RANBP9: variants seen among roughly 807,000 people sequenced by gnomAD.
RANBP9 encodes ran-binding protein 9.
A neutral mutation model predicts 84.3 loss-of-function variants in RANBP9; 15 were observed. The observed-to-expected ratio is 0.18, with a 90% confidence interval of 0.12 to 0.27. The LOEUF is 0.27. Ranked by LOEUF, RANBP9 falls within the 10% of genes least tolerant of loss-of-function variation. RANBP9 has a pLI of 1.00. For synonymous variants in RANBP9, 392 were observed against 349.6 expected (o/e 1.12, Z -1.35); for missense variants, 809 against 912.8 (o/e 0.89, Z 1.46).
chr6:13,689,520 C>T (rs1008737815), intron 2 of RANBP9, among the ~76,000 whole-genome samples: 10 of 152,040 alleles, frequency 6.6e-5, no homozygotes, highest in Non-Finnish European at 1.0e-4. Context: ...GTGATCCACC[C>T]GCTTCGGGCT....
chr6:13,677,107 A>T (rs572946863), intron 2 of RANBP9, among the ~76,000 whole-genome samples: 69 of 152,312 alleles, frequency 4.5e-4, no homozygotes, highest in African/African-American at 1.6e-3. Context: ...TATGCAGACA[A>T]CATCAAAGAA....
In RANBP9 at chr6:13,622,239, A is replaced by T; in HGVS notation, c.*123T>A. The T allele has an allele frequency of 9.7e-7, 1 of 1,029,944 alleles. No homozygotes were observed. The highest frequency in any genetic ancestry group is 1.3e-6 in the Non-Finnish European group (1 of 776,972). 63.8% of individuals were successfully genotyped at this position (1,029,944 alleles called of 1,614,324 possible). ...CATGCTGTAAACTAGGAAGCAATGT[A>T]AAGCGACAAAAACCTGTCCCCAGTA... On this transcript the variant is annotated 3_prime_UTR_variant, in exon 14 of 14. Coordinates refer to ENST00000011619, the MANE Select transcript of RANBP9 (RefSeq NM_005493.3).
Position 13,657,103 on chromosome 6 carries a change from C to G in RANBP9, c.904+6G>C. The G allele has an allele frequency of 6.3e-7, 1 of 1,598,426 alleles. No homozygotes were observed. The highest frequency in any genetic ancestry group is 8.5e-7 in the Non-Finnish European group (1 of 1,170,876). Reference sequence around the variant, plus strand: ...TTATTTTGCATGCAATATATTATCTCAGTACCTAAACTATGTCCATTCTTG... The same window carrying G: ...TTATTTTGCATGCAATATATTATCTGAGTACCTAAACTATGTCCATTCTTG... On this transcript the variant is annotated splice_donor_region_variant and intron_variant, in intron 4 of 13. Transcript: ENST00000011619.
rs1049642520 is a variant in RANBP9, at chr6:13,634,490, C to G, written c.1736G>C (p.Gly579Ala). 1.9e-6 allele frequency: 3 copies of G among 1,613,444 alleles called. No individual in the cohort carries two copies. The highest frequency in any genetic ancestry group is 1.7e-6 in the Non-Finnish European group (2 of 1,179,628). ...SNGVGETSSN[G>A]FLNGSSKHDH... ...ATGTTTAGAGCTACCATTTAGGAAA[C>G]CATTGGATGAAGTTTCTCCAACTCC... Residue 579 changes from glycine (G) to alanine (A), a missense_variant, in exon 11 of 14, where the codon GGT (glycine) becomes GCT (alanine). Coordinates refer to ENST00000011619, the MANE Select transcript of RANBP9 (RefSeq NM_005493.3).
chr6:13,657,105 G>C lies in RANBP9; in HGVS notation c.904+4C>G. On this transcript the variant is annotated splice_donor_region_variant and intron_variant, in intron 4 of 13. Coordinates refer to ENST00000011619, the MANE Select transcript of RANBP9 (RefSeq NM_005493.3). ...ATTTTGCATGCAATATATTATCTCA[G>C]TACCTAAACTATGTCCATTCTTGGT... The C allele has an allele frequency of 6.2e-7, 1 of 1,602,088 alleles. No homozygotes were observed. Among genetic ancestry groups the C allele is most frequent in the South Asian group, 1.1e-5 (1 of 88,938 alleles).
intron 13 of RANBP9, among the ~76,000 whole-genome samples, chr6:13,624,188 T>C (rs1294487311): frequency 6.6e-6 from 1 of 152,226 alleles, no homozygotes; most frequent in African/African-American, 2.4e-5. Flanking sequence ...ACTACTCCTA[T>C]TCCCAAACTT....
chr6:13,645,825 A>G (rs1333200684), intron 5 of RANBP9, among the ~76,000 whole-genome samples: 2 of 152,234 alleles, frequency 1.3e-5, no homozygotes, highest in Admixed American at 1.3e-4. Context: ...TCAAGAGCGG[A>G]TAATTTCTGT....
chr6:13,632,768 T>G, intron 11 of RANBP9: 1 of 344,474 alleles, frequency 2.9e-6, no homozygotes, highest in Non-Finnish European at 5.2e-6. Context: ...CTTTCAGTGT[T>G]AGAGGGTACT....
At chr6:13,684,271 A>G (rs1766114808) in intron 2 of RANBP9, among the ~76,000 whole-genome samples, 2 of 152,200 alleles carry the variant, frequency 1.3e-5, no homozygotes, top group African/African-American at 2.4e-5. Flanking sequence ...GTTATGCCCT[A>G]CACTTAGCCA....
intron 12 of RANBP9, among the ~76,000 whole-genome samples, chr6:13,627,733 A>G (rs189947861): frequency 2.0e-5 from 3 of 152,254 alleles, no homozygotes; most frequent in Admixed American, 1.3e-4. Flanking sequence ...CCATACCCAT[A>G]GTACAGATAA....
intron 13 of RANBP9, among the ~76,000 whole-genome samples, chr6:13,622,718 G>A (rs1764485671): frequency 6.6e-6 from 1 of 152,180 alleles, no homozygotes; most frequent in African/African-American, 2.4e-5. Flanking sequence ...AACTCTGGCA[G>A]AATCAGACTT....
At position 13,637,828 on chromosome 6, in the gene RANBP9, C is replaced by T. The variant is rs749862329; in HGVS notation, c.1653G>A (p.Gln551=). The change falls in exon 10 of 14, where the codon CAG becomes CAA. Residue 551 remains glutamine (Q), a synonymous_variant. Transcript: ENST00000011619. ...ELNSINMSRS[Q]QVNNFTSNDV... ...CTTACCTGGTGAAGTTATTAACTTGCTGTGATCTTGACATATTTATACTGT... is the reference window on the plus strand; with the variant it reads ...CTTACCTGGTGAAGTTATTAACTTGTTGTGATCTTGACATATTTATACTGT... 6.3e-7 allele frequency: 1 copy of T among 1,596,292 alleles called. No individual in the cohort carries two copies. The highest frequency in any genetic ancestry group is 1.1e-5 in the South Asian group (1 of 87,166).
At chr6:13,709,549 C>A (rs554678015) in intron 1 of RANBP9, among the ~76,000 whole-genome samples, 5 of 152,140 alleles carry the variant, frequency 3.3e-5, no homozygotes, top group African/African-American at 9.7e-5. Flanking sequence ...AAATACTTCA[C>A]AAGGAAATTA....
chr6:13,628,056 A>G (rs1048848141), intron 12 of RANBP9, among the ~76,000 whole-genome samples: 1 of 152,186 alleles, frequency 6.6e-6, no homozygotes, highest in Non-Finnish European at 1.5e-5. Flanking sequence ...TTGTGCACTA[A>G]TATTGTGTGA....
Position 13,632,529 on chromosome 6 carries a change from A to G in RANBP9, c.1796-8T>C, listed in dbSNP as rs1764819573. ...ACTGACTTGAATCAACTTCTGTAAG[A>G]AAAACAGACAAGTATTTTACTACCT... is the stretch of plus-strand genomic sequence containing the variant. On this transcript the variant is annotated splice_region_variant and splice_polypyrimidine_tract_variant and intron_variant, in intron 11 of 13. Transcript: ENST00000011619. The G allele has an allele frequency of 2.5e-6, 4 of 1,607,944 alleles. No individual in the cohort carries two copies. The South Asian group carries it at 3.3e-5, about 13-fold the overall frequency.
At chr6:13,629,018 T>A (rs1356209735) in intron 12 of RANBP9, among the ~76,000 whole-genome samples, 4 of 152,206 alleles carry the variant, frequency 2.6e-5, no homozygotes, top group African/African-American at 9.6e-5. Context: ...TGTATAAAGA[T>A]TTCACTAAAG....
intron 5 of RANBP9, among the ~76,000 whole-genome samples, chr6:13,649,461 G>GAAAAAA (rs375894187): frequency 1.1e-5 from 1 of 92,690 alleles, no homozygotes; most frequent in Non-Finnish European, 2.2e-5. Flanking sequence ...TGCCACAACA[G>GAAAAAA]AAAAAAAAAA....
At chr6:13,636,348 A>G (rs1003616480) in intron 10 of RANBP9, among the ~76,000 whole-genome samples, 1 of 152,228 alleles carries the variant, frequency 6.6e-6, no homozygotes, top group Non-Finnish European at 1.5e-5. Flanking sequence ...ACAGTTAGGA[A>G]AGCCATTACC....
In RANBP9 at chr6:13,711,600, C is replaced by T. The variant is rs1758290724; in HGVS notation, c.-95G>A. The T allele has an allele frequency of 1.8e-6, 2 of 1,110,614 alleles. No individual in the cohort carries two copies. The highest frequency in any genetic ancestry group is 3.8e-5 in the East Asian group (1 of 26,376). The allele number at this position is 1,110,614 out of a possible 1,614,324, so 68.8% of individuals were successfully genotyped here. A position where few individuals can be genotyped will look rare whatever the true frequency, so the allele number is the denominator to read the frequency against. ...TGTCGCTGCGGCCGCCGGCACCAGG[C>T]GCCCAGTCCGCCCGCCCCGGAAGCA... On this transcript the variant is annotated 5_prime_UTR_variant, in exon 1 of 14. Coordinates refer to ENST00000011619, the MANE Select transcript of RANBP9 (RefSeq NM_005493.3).
Sources: allele counts gnomAD v4.1 joint callset (sites outside exome capture counted in the v4.1 genomes callset), GRCh38; gene constraint gnomAD v4.1.1; transcripts MANE v1.5; gene names NCBI Gene and HGNC (gene_info 2026-07-23, HGNC 2026-07-21).